PTPRA: variants seen among roughly 807,000 people sequenced by gnomAD.
PTPRA encodes the protein protein tyrosine phosphatase receptor type A, also known as receptor-type tyrosine-protein phosphatase alpha.
PTPRA carries 25 observed loss-of-function variants against 104.8 expected under a neutral mutation model. The observed-to-expected ratio is 0.24, with a 90% CI of 0.17 to 0.33. PTPRA has a LOEUF of 0.33. Among genes scored for constraint, PTPRA ranks in the 10% least tolerant of loss-of-function variants. The pLI, the probability that PTPRA is intolerant of heterozygous loss-of-function variation, is 1.00. For missense variants in PTPRA, 765 were observed against 1,015.3 expected (o/e 0.75, Z 3.35); for synonymous variants, 323 against 368.9 (o/e 0.88, Z 1.43).
Position 2,954,235 on chromosome 20 carries a change from G to A in PTPRA, c.-7+6211G>A, listed in dbSNP as rs557246860. 6.6e-5 allele frequency among the ~76,000 whole-genome samples: 10 copies of A among 150,970 alleles called. 1 individual carries two copies. The highest frequency in any genetic ancestry group is 4.2e-4 in the South Asian group (2 of 4,728). ...TGGGATTACAGGCGCCCGCCACCAC[G>A]CCTGGCTAATTTTTTGTATTTTTAG... On this transcript the variant is annotated intron_variant, in intron 3 of 23. Coordinates refer to ENST00000399903, the MANE Select transcript of PTPRA (RefSeq NM_001385305.1).
chr20:3,005,619 G>A (rs1347207187), intron 10 of PTPRA, among the ~76,000 whole-genome samples: 1 of 152,060 alleles, frequency 6.6e-6, no homozygotes, highest in Non-Finnish European at 1.5e-5. Flanking sequence ...GTAGGTTGAA[G>A]ACTTTGGGCT....
intron 10 of PTPRA, 98 bp downstream of exon 10, chr20:3,005,244 G>T: frequency 8.2e-7 from 1 of 1,219,648 alleles, no homozygotes; most frequent in Admixed American, 1.8e-5. Context: ...GCACAGCAGG[G>T]TGAATAACAA....
chr20:3,026,779 A>C lies in PTPRA; in HGVS notation c.1707A>C (p.Pro569=). 6.2e-7 allele frequency: 1 copy of C among 1,601,924 alleles called. No homozygotes were observed. The highest frequency in any genetic ancestry group is 2.2e-5 in the East Asian group (1 of 44,790). The change falls in exon 18 of 24, where the codon CCA becomes CCC. Residue 569 remains proline (P), a splice_region_variant and synonymous_variant. Transcript: ENST00000399903. ...AGAACCGTGTTTTACAGATCATTCC[A>C]TGTAAGAGCCCTCCCGCCACTCCAA... ...MKKNRVLQII[P]YEFNRVIIPV... is the part of the protein sequence containing the mutation.
chr20:2,954,652 T>C (rs1234836853), intron 3 of PTPRA, among the ~76,000 whole-genome samples: 1 of 152,222 alleles, frequency 6.6e-6, no homozygotes, highest in Non-Finnish European at 1.5e-5. Context: ...ATGGATTGCT[T>C]TTTCATTCTG....
chr20:2,878,590 C>T (rs2089879649), intron 1 of PTPRA, among the ~76,000 whole-genome samples: 1 of 152,052 alleles, frequency 6.6e-6, no homozygotes, highest in Non-Finnish European at 1.5e-5. Context: ...CTTTTATACC[C>T]CTTGTTCAAA....
In PTPRA at chr20:2,901,348, A is replaced by G. The variant is rs117346404; in HGVS notation, c.-128-21859A>G. The stretch of plus-strand genomic sequence containing the variant: ...CACAGCTTTTACATTTCCCTCTGTC[A>G]GTTCCTCTTGTAATGGTGGGTGGGT... On this transcript the variant is annotated intron_variant, in intron 1 of 23. Transcript: ENST00000399903. 5.2e-3 allele frequency among the ~76,000 whole-genome samples: 789 copies of G among 152,066 alleles called. 5 individuals are homozygous for G. Among genetic ancestry groups the G allele is most frequent in the Middle Eastern group, 0.017 (5 of 294 alleles).
At chr20:3,025,961 T>G (rs1373178536) in intron 17 of PTPRA, among the ~76,000 whole-genome samples, 1 of 151,850 alleles carries the variant, frequency 6.6e-6, no homozygotes, top group Non-Finnish European at 1.5e-5. Context: ...TTCTTTTTTT[T>G]TGAGATGGAG....
chr20:2,966,285 G>A (rs2061943239), intron 5 of PTPRA, among the ~76,000 whole-genome samples: 1 of 152,180 alleles, frequency 6.6e-6, no homozygotes, highest in African/African-American at 2.4e-5. Flanking sequence ...CATGTTTATG[G>A]CATAGCTGGC....
At chr20:2,875,852 T>TCAC (rs2089683430) in intron 1 of PTPRA, among the ~76,000 whole-genome samples, 1 of 152,022 alleles carries the variant, frequency 6.6e-6, no homozygotes, top group African/African-American at 2.4e-5. Context: ...GCCTGGGTGA[T>TCAC]TTGGGAAAGC....
At chr20:2,991,007 T>G (rs1239363573) in intron 9 of PTPRA, among the ~76,000 whole-genome samples, 1 of 152,132 alleles carries the variant, frequency 6.6e-6, no homozygotes, top group Non-Finnish European at 1.5e-5. Context: ...GGACCCTTTT[T>G]GGGGGCTATT....
the PTPRA span, chr20:2,866,549 C>T: frequency 1.9e-6 from 3 of 1,614,148 alleles, no homozygotes; most frequent in South Asian, 3.3e-5. Context: ...ATTCAACGGG[C>T]CAGGGCACAA....
chr20:2,935,103 TTCC>T (rs2060643999), intron 2 of PTPRA, among the ~76,000 whole-genome samples: 1 of 152,218 alleles, frequency 6.6e-6, no homozygotes, highest in Non-Finnish European at 1.5e-5. Context: ...CTTGAACTTA[TTCC>T]TCCTAACTGA....
intron 1 of PTPRA, among the ~76,000 whole-genome samples, chr20:2,888,570 A>T (rs1023959965): frequency 9.2e-5 from 13 of 141,854 alleles, no homozygotes; most frequent in Non-Finnish European, 1.4e-4. Context: ...AAAAGCATTT[A>T]AAAAAAAAAA....
Position 3,018,198 on chromosome 20 carries a change from G to GA in PTPRA, c.1041+285_1041+286insA, listed in dbSNP as rs1491188514. ...CCATCAGCTAAGGAAAAGCCACAGA[G>GA]GGGTTTTTTTTGTTGTTGTTTTGTT... On this transcript the variant is annotated intron_variant, in intron 13 of 23. Transcript: ENST00000399903. Among the ~76,000 whole-genome samples the GA allele has an allele frequency of 2.4e-3, 369 of 152,106 alleles. 4 individuals are homozygous for GA. The highest frequency in any genetic ancestry group is 0.017 in the Middle Eastern group (5 of 294).
intron 9 of PTPRA, among the ~76,000 whole-genome samples, chr20:2,998,929 TTTA>T (rs1271826576): frequency 1.1e-5 from 1 of 94,598 alleles, no homozygotes; most frequent in Non-Finnish European, 2.0e-5. Context: ...ATATTTATAA[TTTA>T]TTATATATGA....
chr20:3,034,343 G>A (rs2148519984), intron 20 of PTPRA, among the ~76,000 whole-genome samples: 2 of 152,264 alleles, frequency 1.3e-5, no homozygotes, highest in Admixed American at 1.3e-4. Flanking sequence ...CTGTCTGAGA[G>A]ATCATGCTCA....
intron 1 of PTPRA, among the ~76,000 whole-genome samples, chr20:2,894,232 A>G (rs2058906014): frequency 6.6e-6 from 1 of 152,232 alleles, no homozygotes; most frequent in Admixed American, 6.5e-5. Flanking sequence ...TGGAGAATAC[A>G]TTAAAACCAG....
intron 1 of PTPRA, among the ~76,000 whole-genome samples, chr20:2,912,800 C>G (rs1278929583): frequency 6.6e-6 from 1 of 152,100 alleles, no homozygotes; most frequent in Non-Finnish European, 1.5e-5. Flanking sequence ...AGTTCTATTG[C>G]AGAATGCTAT....
At chr20:2,957,254 G>T (rs867706032) in intron 3 of PTPRA, among the ~76,000 whole-genome samples, 2 of 152,116 alleles carry the variant, frequency 1.3e-5, no homozygotes, top group African/African-American at 4.8e-5. Context: ...CACAACATTC[G>T]AGCCTGGGCG....
Sources: gnomAD v4.1 joint callset for allele counts (sites outside exome capture counted in the v4.1 genomes callset) on GRCh38, gnomAD v4.1.1 for gene constraint, MANE v1.5 for transcripts, NCBI Gene and HGNC (gene_info 2026-07-23, HGNC 2026-07-21) for gene names.